Variants in DLGAP2 observed in about 807,000 individuals in gnomAD.
DLGAP2 encodes the protein disks large-associated protein 2.
In DLGAP2, 26 loss-of-function variants were observed where a neutral mutation model predicts 100.3. The observed-to-expected ratio is 0.26, with a 90% CI of 0.19 to 0.36. The LOEUF (loss-of-function observed/expected upper bound fraction) is 0.36. Ranked by LOEUF, DLGAP2 falls within the 10% of genes least tolerant of loss-of-function variation. The probability of loss-of-function intolerance (pLI) is 1.00; values close to 1 mark genes in which losing one functional copy is unlikely to be tolerated. For missense variants in DLGAP2, 1,858 were observed against 1,453.2 expected (o/e 1.28, Z -4.53); for synonymous variants, 886 against 630.1 (o/e 1.41, Z -6.08).
At chr8:1,118,298 G>C (rs917823821) in intron 2 of DLGAP2, among the ~76,000 whole-genome samples, 2 of 152,196 alleles carry the variant, frequency 1.3e-5, no homozygotes, top group African/African-American at 4.8e-5. Context: ...AGCATCTGCA[G>C]CTCTTGACCC....
At chr8:786,879 A>C (rs1821881604) in intron 1 of DLGAP2, among the ~76,000 whole-genome samples, 1 of 151,782 alleles carries the variant, frequency 6.6e-6, no homozygotes, top group Admixed American at 6.6e-5. Flanking sequence ...TGGTGATTTG[A>C]AAGAGCCTTC....
At chr8:1,451,800 G>A (rs1346185592) in intron 3 of DLGAP2, among the ~76,000 whole-genome samples, 2 of 152,068 alleles carry the variant, frequency 1.3e-5, no homozygotes, top group African/African-American at 2.4e-5. Context: ...TTCTCCCAAC[G>A]TCCGGATATC....
rs111478196 is a variant in DLGAP2, at chr8:1,091,612, G to A, written c.74-167239G>A. On this transcript the variant is annotated intron_variant, in intron 2 of 14. Transcript: ENST00000637795. ...GCCATATCATTCGGCAGGTCCCTCC[G>A]GCTGTCATTATCTCTGTGTTAAATG... is the stretch of plus-strand genomic sequence containing the variant. 7.2e-5 allele frequency among the ~76,000 whole-genome samples: 11 copies of A among 152,266 alleles called. No homozygotes were observed. The South Asian group carries it at 1.0e-3, about 14-fold the overall frequency.
Position 1,632,868 on chromosome 8 carries a change from C to G in DLGAP2, c.1632C>G (p.Cys544Trp), listed in dbSNP as rs771170255. 3 of 1,613,500 alleles carry G rather than the reference C, an allele frequency of 1.9e-6. No homozygotes were observed. In the African/African-American group the frequency reaches 4.0e-5, roughly 22 times the overall value. The change falls in exon 8 of 15, where the codon TGC becomes TGG. Residue 544 changes from cysteine to tryptophan, a missense_variant. Physicochemically the swap from Cys to Trp is radical, Grantham distance 215 (BLOSUM62 -2). Transcript: ENST00000637795. Reference sequence around the variant, plus strand: ...TCAATGGGCAATTCGAGTCCGTGTGCGAGTCCGTCTTCAGTGAAGTTGAAT... The same window carrying G: ...TCAATGGGCAATTCGAGTCCGTGTGGGAGTCCGTCTTCAGTGAAGTTGAAT... ...AEINGQFESV[C>W]ESVFSEVESQ...
chr8:1,523,513 C>CG (rs981404937), intron 4 of DLGAP2, among the ~76,000 whole-genome samples: 20 of 152,108 alleles, frequency 1.3e-4, no homozygotes, highest in East Asian at 1.9e-4. Context: ...GTGCCTTAGA[C>CG]GGGGGGGAAG....
In DLGAP2 at chr8:1,239,819, G is replaced by A. The variant is rs185889509; in HGVS notation, c.74-19032G>A. 2.8e-3 allele frequency among the ~76,000 whole-genome samples: 93 copies of A among 33,188 alleles called. 8 individuals carry two copies. Among genetic ancestry groups the A allele is most frequent in the Non-Finnish European group, 3.3e-3 (56 of 16,872 alleles). 21.8% of individuals were successfully genotyped at this position (33,188 alleles called of 152,430 possible). ...GTCTAGTTACGTCTCACAGGGTGCC[G>A]TGTCTAGTTCTCTCTCGCACATAGC... On this transcript the variant is annotated intron_variant, in intron 2 of 14. Transcript: ENST00000637795.
At chr8:1,182,804 G>A (rs898002112) in intron 2 of DLGAP2, among the ~76,000 whole-genome samples, 3 of 152,192 alleles carry the variant, frequency 2.0e-5, no homozygotes, top group Admixed American at 6.5e-5. Context: ...GAGAGTCCAC[G>A]GGTCGGCAAC....
intron 2 of DLGAP2, among the ~76,000 whole-genome samples, chr8:1,031,598 A>G (rs1276467499): frequency 6.6e-6 from 1 of 151,990 alleles, no homozygotes; most frequent in East Asian, 1.9e-4. Context: ...TTTTGTAGAG[A>G]CGAGGTCTCA....
rs576178434 is a variant in DLGAP2, at chr8:1,191,042, C to G, written c.74-67809C>G. Among the ~76,000 whole-genome samples, 5 of 152,304 alleles carry G rather than the reference C, an allele frequency of 3.3e-5. No individual in the cohort carries two copies. The South Asian group carries it at 1.0e-3, about 32-fold the overall frequency. Reference sequence around the variant, plus strand: ...CCTGAGTCCAGCAGGTCCAGGATGACCCTGCCACATCCCACGGGGAGAGGC... The same window carrying G: ...CCTGAGTCCAGCAGGTCCAGGATGAGCCTGCCACATCCCACGGGGAGAGGC... On this transcript the variant is annotated intron_variant, in intron 2 of 14. Transcript: ENST00000637795.
At chr8:1,538,031 A>G (rs1217456874) in intron 4 of DLGAP2, among the ~76,000 whole-genome samples, 1 of 152,154 alleles carries the variant, frequency 6.6e-6, no homozygotes, top group African/African-American at 2.4e-5. Flanking sequence ...CTGTAGCCTC[A>G]TGCAAAGTGC....
At position 1,472,500 on chromosome 8, in the gene DLGAP2, A is replaced by T. The variant is rs74812769; in HGVS notation, c.107-28866A>T. 9.8e-4 allele frequency among the ~76,000 whole-genome samples: 149 copies of T among 152,312 alleles called. 2 individuals are homozygous for T. In the East Asian group the frequency reaches 0.027, roughly 28 times the overall value. On this transcript the variant is annotated intron_variant, in intron 3 of 14. Coordinates refer to ENST00000637795, the MANE Select transcript of DLGAP2 (RefSeq NM_001346810.2). ...TTTCTTTTGAAATCACTAAACAAGG[A>T]CAAGGGTAGAAGCAAGGAGATGAAG...
Position 1,668,540 on chromosome 8 carries a change from C to A in DLGAP2, c.2022C>A (p.Asn674Lys). ...TDSLDSNKAM[N>K]LALETAAAQR... Reference sequence around the variant, plus strand: ...GCCTGGACAGCAACAAGGCCATGAACCTCGCGCTGGAAACGGCCGCTGCCC... The same window carrying A: ...GCCTGGACAGCAACAAGGCCATGAAACTCGCGCTGGAAACGGCCGCTGCCC... Residue 674 changes from asparagine to lysine, a missense_variant, in exon 9 of 15, where the codon AAC becomes AAA. Transcript: ENST00000637795. 6.3e-7 allele frequency: 1 copy of A among 1,592,180 alleles called. No individual in the cohort carries two copies. Among genetic ancestry groups the A allele is most frequent in the Non-Finnish European group, 8.5e-7 (1 of 1,170,476 alleles).
chr8:1,275,831 A>AATATAAAATATATAAAT (rs1799673778), intron 3 of DLGAP2, among the ~76,000 whole-genome samples: 4 of 64,834 alleles, frequency 6.2e-5, no homozygotes, highest in Non-Finnish European at 8.8e-5. Context: ...TATAAAAATA[A>AATATAAAATATATAAAT]ATATATAATA....
intron 10 of DLGAP2, 133 bp downstream of exon 10, chr8:1,669,917 C>A: frequency 1.4e-6 from 1 of 697,558 alleles, no homozygotes. Context: ...TGGGTGCTCC[C>A]ATCTGTCCCC....
chr8:1,695,100 C>T (rs1355130213), intron 13 of DLGAP2, among the ~76,000 whole-genome samples: 2 of 152,212 alleles, frequency 1.3e-5, no homozygotes, highest in African/African-American at 4.8e-5. Flanking sequence ...AGTGGCCGGC[C>T]ATGTTCCTCC....
At chr8:1,566,498 C>T (rs946581040) in intron 6 of DLGAP2, among the ~76,000 whole-genome samples, 7 of 152,218 alleles carry the variant, frequency 4.6e-5, no homozygotes, top group South Asian at 2.1e-4. Context: ...TCAACAGCCA[C>T]GCTGCTGTGT....
At chr8:1,066,269 GACAGCTCCCCACCACGGT>G (rs1803246599) in intron 2 of DLGAP2, among the ~76,000 whole-genome samples, 1 of 150,618 alleles carries the variant, frequency 6.6e-6, no homozygotes, top group African/African-American at 2.4e-5. Flanking sequence ...TCTGAGCGAG[GACAGCTCCCCACCACGGT>G]CAGGTCTGAG....
chr8:785,814 AGG>A, intron 1 of DLGAP2, among the ~76,000 whole-genome samples: 1 of 38,654 alleles, frequency 2.6e-5, no homozygotes, highest in Admixed American at 2.6e-4. Context: ...TCCTCCCCTC[AGG>A]CTCCTCTGAG....
intron 2 of DLGAP2, among the ~76,000 whole-genome samples, chr8:1,064,090 C>T (rs922211477): frequency 6.6e-6 from 1 of 152,176 alleles, no homozygotes; most frequent in Non-Finnish European, 1.5e-5. Context: ...CTGGGAACAA[C>T]TGCAGCTATG....
Sources: allele counts gnomAD v4.1 joint callset (sites outside exome capture counted in the v4.1 genomes callset), GRCh38; gene constraint gnomAD v4.1.1; transcripts MANE v1.5; gene names NCBI Gene and HGNC (gene_info 2026-07-23, HGNC 2026-07-21).